The following HPS5 variants were observed in gnomAD, a reference collection of about 807,000 sequenced individuals.
HPS5 encodes the protein HPS5 biogenesis of lysosomal organelles complex 2 subunit 2, also known as BLOC-2 complex member HPS5.
In HPS5, 83 loss-of-function variants were observed where a neutral mutation model predicts 128.0. The observed-to-expected ratio is 0.65, with a 90% CI of 0.54 to 0.78. The LOEUF (loss-of-function observed/expected upper bound fraction) is 0.78. Ranked by LOEUF, HPS5 falls within the 30% of genes least tolerant of loss-of-function variation. The pLI is 0.00. For missense variants in HPS5, 1,281 were observed against 1,326.2 expected (o/e 0.97, Z 0.53); for synonymous variants, 475 against 470.2 (o/e 1.01, Z -0.13).
intron 12 of HPS5, 153 bp from the exon 13 acceptor site, chr11:18,296,275 G>A (rs1688223587): frequency 4.0e-6 from 3 of 751,676 alleles, no homozygotes; most frequent in South Asian, 3.5e-5. Flanking sequence ...GTGGAACACA[G>A]GTTTACAAAA....
Position 18,281,968 on chromosome 11 carries a change from A to G in HPS5, c.3311T>C (p.Ile1104Thr). 4.3e-6 allele frequency: 7 copies of G among 1,614,200 alleles called. No individual in the cohort carries two copies. Among genetic ancestry groups the G allele is most frequent in the Non-Finnish European group, 5.9e-6 (7 of 1,180,030 alleles). ...KFTRTCDILRIAEKRQRALIQ... is the reference protein window; with the variant it reads ...KFTRTCDILRTAEKRQRALIQ... Reference sequence around the variant, plus strand: ...ATATTACCTCTGCCTTTTCTCAGCAATCCTCAGGATATCGCAGGTTCTGGT... The same window carrying G: ...ATATTACCTCTGCCTTTTCTCAGCAGTCCTCAGGATATCGCAGGTTCTGGT... Residue 1104 changes from isoleucine to threonine, a missense_variant, in exon 22 of 23, where the codon ATT becomes ACT. Ile to Thr is a moderately conservative substitution (Grantham distance 89, BLOSUM62 -1). Coordinates refer to ENST00000349215, the MANE Select transcript of HPS5 (RefSeq NM_181507.2).
At position 18,279,362 on chromosome 11, in the gene HPS5, T is replaced by A. The variant is rs1198641796; in HGVS notation, c.*520A>T. 1.3e-5 allele frequency: 2 copies of A among 158,832 alleles called. No homozygotes were observed. Among genetic ancestry groups the A allele is most frequent in the Non-Finnish European group, 2.8e-5 (2 of 71,888 alleles). 9.8% of individuals were successfully genotyped at this position (158,832 alleles called of 1,614,324 possible). A position where few individuals can be genotyped will look rare whatever the true frequency, so the allele number is the denominator to read the frequency against. ...ATTTTACTTAAATATCAAATTCAAA[T>A]CTTCAGTGTTCTACTTATTTTGGGT... On this transcript the variant is annotated 3_prime_UTR_variant, in exon 23 of 23. Transcript: ENST00000349215.
At chr11:18,318,762 T>C (rs1863940262) in intron 1 of HPS5, among the ~76,000 whole-genome samples, 1 of 152,238 alleles carries the variant, frequency 6.6e-6, no homozygotes, top group Admixed American at 6.5e-5. Flanking sequence ...GAACTGTTTA[T>C]ACATTCTTGT....
chr11:18,295,895 A>G (rs1861006450), intron 13 of HPS5, 104 bp downstream of exon 13: 2 of 1,252,110 alleles, frequency 1.6e-6, no homozygotes, highest in East Asian at 4.7e-5. Flanking sequence ...ATGGAAAACA[A>G]GAGACTTCCT....
In HPS5 at chr11:18,309,016, G is replaced by A; in HGVS notation, c.541C>T (p.Gln181Ter). The change falls in exon 6 of 23, where the codon CAG (glutamine) becomes TAG (stop). Residue 181 changes from glutamine (Q) to a stop codon, truncating the protein, a stop_gained. Coordinates refer to ENST00000349215, the MANE Select transcript of HPS5 (RefSeq NM_181507.2). LOFTEE classifies it high-confidence loss of function. ...TITTVDSCVV[Q>*]LDYLDGRLLI... Reference sequence around the variant, plus strand: ...AGCCTTCCATCCAAATAATCTAACTGTACAACACAGGAGTCAACAGTTGTG... The same window carrying A: ...AGCCTTCCATCCAAATAATCTAACTATACAACACAGGAGTCAACAGTTGTG... 6.2e-7 allele frequency: 1 copy of A among 1,613,692 alleles called. No individual in the cohort carries two copies. Among genetic ancestry groups the A allele is most frequent in the Non-Finnish European group, 8.5e-7 (1 of 1,179,676 alleles).
rs1859825272 is a variant in HPS5 at position 18,286,973 on chromosome 11, A to G, written c.2718-263T>C. 4 of 607,490 alleles carry G rather than the reference A, an allele frequency of 6.6e-6. No homozygotes were observed. In the Admixed American group the frequency reaches 1.2e-4, roughly 19 times the overall value. 37.6% of individuals were successfully genotyped at this position (607,490 alleles called of 1,614,324 possible). A position where few individuals can be genotyped will look rare whatever the true frequency, so the allele number is the denominator to read the frequency against. ...GAGACAAATAAAAACCAGTGTGGCC[A>G]GAGTAGGAAGATCACTGAGGCCATA... On this transcript the variant is annotated intron_variant, in intron 18 of 22. Transcript: ENST00000349215.
Position 18,279,226 on chromosome 11 carries a change from A to G in HPS5, c.*656T>C, listed in dbSNP as rs1858577654. The G allele has an allele frequency of 6.6e-6, 1 of 152,370 alleles. No individual in the cohort carries two copies. 9.4% of individuals were successfully genotyped at this position (152,370 alleles called of 1,614,324 possible). On this transcript the variant is annotated 3_prime_UTR_variant, in exon 23 of 23. Coordinates refer to ENST00000349215, the MANE Select transcript of HPS5 (RefSeq NM_181507.2). ...TTTTTTTTATTTTTTGTAGAGATGC[A>G]TTCTCACTATGTTGCCCAGGCTGGT... is the stretch of plus-strand genomic sequence containing the variant.
chr11:18,299,527 A>G (rs1238918831), intron 9 of HPS5, among the ~76,000 whole-genome samples: 2 of 152,200 alleles, frequency 1.3e-5, no homozygotes, highest in Non-Finnish European at 2.9e-5. Context: ...TGGTTTTTAC[A>G]AACATAGAAA....
intron 1 of HPS5, among the ~76,000 whole-genome samples, chr11:18,320,067 G>T (rs1864142769): frequency 1.3e-5 from 2 of 151,978 alleles, no homozygotes; most frequent in Admixed American, 6.6e-5. Flanking sequence ...TAATGCGGGG[G>T]TGTGCAGGGG....
intron 5 of HPS5, among the ~76,000 whole-genome samples, chr11:18,309,995 C>A (rs1228015030): frequency 6.6e-6 from 1 of 152,164 alleles, no homozygotes; most frequent in Non-Finnish European, 1.5e-5. Flanking sequence ...AGAGCAAGAA[C>A]CTGTCTCAAA....
intron 2 of HPS5, among the ~76,000 whole-genome samples, chr11:18,312,922 G>A (rs571382492): frequency 3.2e-4 from 48 of 152,294 alleles, no homozygotes; most frequent in Admixed American, 1.2e-3. Flanking sequence ...TACCACGTAA[G>A]CTCCTATTAA....
chr11:18,279,857 T>G lies in HPS5; in HGVS notation c.*25A>C. On this transcript the variant is annotated 3_prime_UTR_variant, in exon 23 of 23. Transcript: ENST00000349215. ...TGATTTAGTTTTTCTCAAAATGTCA[T>G]GACATCCTGCTGAATCTTCTCCCAC... The G allele has an allele frequency of 6.2e-7, 1 of 1,607,736 alleles. No individual in the cohort carries two copies. Among genetic ancestry groups the G allele is most frequent in the South Asian group, 1.1e-5 (1 of 90,936 alleles).
At chr11:18,287,504 G>C (rs1859885873) in intron 18 of HPS5, 31 bp downstream of exon 18, 1 of 1,612,406 alleles carries the variant, frequency 6.2e-7, no homozygotes. Flanking sequence ...TCAAAAGAAA[G>C]GAGAGTCTGC....
At chr11:18,281,559 C>A (rs1009447863) in intron 22 of HPS5, among the ~76,000 whole-genome samples, 7 of 124,626 alleles carry the variant, frequency 5.6e-5, no homozygotes, top group Non-Finnish European at 1.0e-4. Flanking sequence ...GCCACCACAC[C>A]CAGCTAATTT....
chr11:18,318,276 A>G (rs1419518734), intron 1 of HPS5, among the ~76,000 whole-genome samples: 7 of 152,216 alleles, frequency 4.6e-5, no homozygotes, highest in Non-Finnish European at 5.9e-5. Context: ...TGTCTTTAGG[A>G]GTCTCTCATT....
At chr11:18,287,419 A>G (rs895909664) in intron 18 of HPS5, 116 bp downstream of exon 18, 1 of 1,124,304 alleles carries the variant, frequency 8.9e-7, no homozygotes, top group Non-Finnish European at 1.4e-6. Flanking sequence ...CCTCTTCCAT[A>G]GTATGTGCCT....
intron 16 of HPS5, among the ~76,000 whole-genome samples, chr11:18,289,016 G>A (rs1401218028): frequency 2.0e-5 from 3 of 151,290 alleles, no homozygotes; most frequent in Admixed American, 6.6e-5. Flanking sequence ...GTGTAGAGAC[G>A]GGGTCTTGCT....
intron 16 of HPS5, among the ~76,000 whole-genome samples, chr11:18,291,174 C>T (rs1564938401): frequency 6.6e-6 from 1 of 151,894 alleles, no homozygotes; most frequent in Non-Finnish European, 1.5e-5. Context: ...GCCAAGATGG[C>T]GCCACTGCAC....
At chr11:18,284,429 A>G (rs996352898) in intron 20 of HPS5, among the ~76,000 whole-genome samples, 1 of 152,076 alleles carries the variant, frequency 6.6e-6, no homozygotes, top group Admixed American at 6.5e-5. Flanking sequence ...CCTACTAATC[A>G]CCAATCCACT....
Sources: allele counts gnomAD v4.1 joint callset (sites outside exome capture counted in the v4.1 genomes callset), GRCh38; gene constraint gnomAD v4.1.1; transcripts MANE v1.5; gene names NCBI Gene and HGNC (gene_info 2026-07-23, HGNC 2026-07-21).